METTL15: variants seen among roughly 807,000 people sequenced by gnomAD.
METTL15 encodes methyltransferase 15, mitochondrial 12S rRNA N4-cytidine, also known as 12S rRNA N(4)-cytidine methyltransferase METTL15.
METTL15 carries 34 observed loss-of-function variants against 38.3 expected under a neutral mutation model. The ratio of observed to expected loss-of-function variants is 0.89; its 90% CI spans 0.68 to 1.18. METTL15 has a LOEUF of 1.18. Among genes scored for constraint, METTL15 ranks in the 50% most tolerant of loss-of-function variants. METTL15 has a pLI of 0.00. For missense variants in METTL15, 438 were observed against 498.4 expected (o/e 0.88, Z 1.15); for synonymous variants, 162 against 170.9 (o/e 0.95, Z 0.41).
At chr11:28,129,595 A>C (rs1337689487) in intron 3 of METTL15, among the ~76,000 whole-genome samples, 2 of 152,014 alleles carry the variant, frequency 1.3e-5, no homozygotes, top group East Asian at 3.9e-4. Flanking sequence ...TTTTTAGTAG[A>C]GATGGGATTT....
At chr11:28,302,256 G>A (rs888069491) in intron 6 of METTL15, among the ~76,000 whole-genome samples, 1 of 152,070 alleles carries the variant, frequency 6.6e-6, no homozygotes, top group Non-Finnish European at 1.5e-5. Context: ...TTAACAAAGT[G>A]CACATTCAAT....
intron 6 of METTL15, among the ~76,000 whole-genome samples, chr11:28,503,647 C>T (rs1159707040): frequency 6.6e-6 from 1 of 151,532 alleles, no homozygotes; most frequent in Non-Finnish European, 1.5e-5. Context: ...AAAAATTAGC[C>T]AGGCGTGGTG....
At chr11:28,133,809 A>G (rs1198320056) in intron 3 of METTL15, among the ~76,000 whole-genome samples, 1 of 152,178 alleles carries the variant, frequency 6.6e-6, no homozygotes, top group Non-Finnish European at 1.5e-5. Flanking sequence ...CCAAGTTAGA[A>G]TCACCTGGTT....
In METTL15 at chr11:28,286,841, C is replaced by T. The variant is rs553090230; in HGVS notation, c.408-3365C>T. Among the ~76,000 whole-genome samples, 299 of 151,844 alleles carry T rather than the reference C, an allele frequency of 2.0e-3. 1 individual carries two copies. The highest frequency in any genetic ancestry group is 5.9e-3 in the African/African-American group (246 of 41,436). ...ATAGTACCTGAGATATTATGTCTGTCAGGATTCTCCAGAGAAACAGAACCA... is the reference window on the plus strand; with the variant it reads ...ATAGTACCTGAGATATTATGTCTGTTAGGATTCTCCAGAGAAACAGAACCA... On this transcript the variant is annotated intron_variant, in intron 4 of 6. Coordinates refer to ENST00000407364, the MANE Select transcript of METTL15 (RefSeq NM_001113528.2).
At chr11:28,240,835 A>G (rs1351111861) in intron 4 of METTL15, among the ~76,000 whole-genome samples, 2 of 152,204 alleles carry the variant, frequency 1.3e-5, no homozygotes, top group African/African-American at 2.4e-5. Context: ...TTTTTTTAAT[A>G]AAGATTAAAA....
In METTL15 at chr11:28,341,275, C is replaced by G. The variant is rs1025679577; in HGVS notation, c.*190-10815C>G. On this transcript the variant is annotated intron_variant and NMD_transcript_variant, in intron 3 of 7. Coordinates refer to the METTL15 transcript ENST00000532947. Reference sequence around the variant, plus strand: ...CATGGCACGTGTATACCTATGTGACCTGCACGTTCTGCACATGTATCTCAA... The same window carrying G: ...CATGGCACGTGTATACCTATGTGACGTGCACGTTCTGCACATGTATCTCAA... Among the ~76,000 whole-genome samples, 30 of 152,038 alleles carry G rather than the reference C, an allele frequency of 2.0e-4. 2 individuals are homozygous for G. The highest frequency in any genetic ancestry group is 1.5e-5 in the Non-Finnish European group (1 of 68,002).
intron 3 of METTL15, among the ~76,000 whole-genome samples, chr11:28,348,378 A>C (rs916325452): frequency 2.6e-5 from 4 of 152,086 alleles, no homozygotes; most frequent in Admixed American, 6.6e-5. Flanking sequence ...ATTTCTTCTT[A>C]TTATTTTAAG....
chr11:28,218,883 G>C (rs552947596), intron 4 of METTL15, among the ~76,000 whole-genome samples: 22 of 152,200 alleles, frequency 1.4e-4, no homozygotes, highest in African/African-American at 3.9e-4. Context: ...GTATATTGAA[G>C]CAGCCTTGCA....
chr11:28,260,801 T>C (rs747684886), intron 4 of METTL15, among the ~76,000 whole-genome samples: 3 of 152,180 alleles, frequency 2.0e-5, no homozygotes, highest in Non-Finnish European at 4.4e-5. Flanking sequence ...ATAGATGTTG[T>C]GCTGGCAGGC....
At chr11:28,474,980 G>A (rs1851333332) in intron 6 of METTL15, among the ~76,000 whole-genome samples, 1 of 152,198 alleles carries the variant, frequency 6.6e-6, no homozygotes, top group Non-Finnish European at 1.5e-5. Context: ...CCAAGAAGCA[G>A]AGGTCCTCAA....
chr11:28,192,305 T>A (rs1203318621), intron 3 of METTL15, among the ~76,000 whole-genome samples: 3 of 151,940 alleles, frequency 2.0e-5, no homozygotes, highest in Non-Finnish European at 4.4e-5. Flanking sequence ...TTTGGAATCA[T>A]ATTTATTGCA....
chr11:28,461,542 T>C (rs1851214841), intron 6 of METTL15, among the ~76,000 whole-genome samples: 1 of 151,998 alleles, frequency 6.6e-6, no homozygotes, highest in South Asian at 2.1e-4. Flanking sequence ...AATGGGTCAT[T>C]GCATATTTCT....
At chr11:28,455,037 G>A (rs543122978) in intron 6 of METTL15, among the ~76,000 whole-genome samples, 1 of 152,128 alleles carries the variant, frequency 6.6e-6, no homozygotes, top group South Asian at 2.1e-4. Flanking sequence ...GGAAATAGTG[G>A]TTCAGTGGGA....
At chr11:28,328,176 G>A (rs202010240) in intron 6 of METTL15, 108 of 1,607,392 alleles carry the variant, frequency 6.7e-5, no homozygotes, top group Middle Eastern at 3.3e-4. Context: ...GTAAGAAGCT[G>A]GCCTTCCTTT....
At chr11:28,401,693 T>C (rs1458638727) in intron 5 of METTL15, among the ~76,000 whole-genome samples, 1 of 151,932 alleles carries the variant, frequency 6.6e-6, no homozygotes, top group Non-Finnish European at 1.5e-5. Context: ...GAAGCACTTA[T>C]TTGGCTTTGA....
chr11:28,216,786 C>A (rs975795004), intron 4 of METTL15, among the ~76,000 whole-genome samples: 68 of 147,508 alleles, frequency 4.6e-4, no homozygotes, highest in Non-Finnish European at 9.0e-4. Flanking sequence ...TGTTCAACTC[C>A]AACCTATGAG....
At chr11:28,178,669 T>A (rs911496010) in intron 3 of METTL15, among the ~76,000 whole-genome samples, 1 of 151,876 alleles carries the variant, frequency 6.6e-6, no homozygotes, top group African/African-American at 2.4e-5. Flanking sequence ...TAATCATTTG[T>A]CTGTATGTGT....
intron 3 of METTL15, among the ~76,000 whole-genome samples, chr11:28,184,697 T>G (rs561885412): frequency 1.8e-4 from 27 of 151,742 alleles, no homozygotes; most frequent in African/African-American, 6.0e-4. Context: ...AAAATTATGA[T>G]TGATTAAAGT....
chr11:28,251,224 C>CT (rs1222866306), intron 4 of METTL15, among the ~76,000 whole-genome samples: 2 of 151,990 alleles, frequency 1.3e-5, no homozygotes, highest in Non-Finnish European at 2.9e-5. Context: ...ATCTTATATT[C>CT]TCAAGCAAAG....
Sources: allele counts gnomAD v4.1 joint callset (sites outside exome capture counted in the v4.1 genomes callset), GRCh38; gene constraint gnomAD v4.1.1; transcripts MANE v1.5; gene names NCBI Gene and HGNC (gene_info 2026-07-23, HGNC 2026-07-21).